The following TNIK variants were observed in gnomAD, a reference collection of about 807,000 sequenced individuals.
TNIK encodes TRAF2 and NCK-interacting protein kinase.
In TNIK, 49 loss-of-function variants were observed where a neutral mutation model predicts 191.3. The observed-to-expected ratio is 0.26, with a 90% CI of 0.20 to 0.32. The LOEUF (loss-of-function observed/expected upper bound fraction) is 0.32, where lower values mean the gene tolerates loss of function less well. TNIK is among the 10% of genes least tolerant of loss of function. The pLI, the probability that TNIK is intolerant of heterozygous loss-of-function variation, is 1.00. For synonymous variants in TNIK, 594 were observed against 600.9 expected (o/e 0.99, Z 0.17); for missense variants, 1,155 against 1,702.3 (o/e 0.68, Z 5.66).
At chr3:171,365,855 C>A (rs1268291448) in intron 2 of TNIK, among the ~76,000 whole-genome samples, 1 of 152,190 alleles carries the variant, frequency 6.6e-6, no homozygotes, top group African/African-American at 2.4e-5. Context: ...ATGAGAAATA[C>A]TGAGGAATCC....
intron 2 of TNIK, among the ~76,000 whole-genome samples, chr3:171,242,054 C>A (rs150535356): frequency 1.3e-5 from 2 of 151,516 alleles, no homozygotes; most frequent in Admixed American, 6.6e-5. Context: ...TTAGGAGATA[C>A]ACCTAATGTA....
At chr3:171,349,127 A>G (rs1712733434) in intron 2 of TNIK, among the ~76,000 whole-genome samples, 1 of 152,120 alleles carries the variant, frequency 6.6e-6, no homozygotes, top group Non-Finnish European at 1.5e-5. Flanking sequence ...AACACCCAAA[A>G]AAGTTTCCAT....
intron 2 of TNIK, among the ~76,000 whole-genome samples, chr3:171,363,399 G>T (rs1317971200): frequency 6.6e-6 from 1 of 152,150 alleles, no homozygotes; most frequent in Non-Finnish European, 1.5e-5. Context: ...TTAAGAGTAG[G>T]AACCTCCTCA....
intron 12 of TNIK, among the ~76,000 whole-genome samples, chr3:171,146,202 G>A (rs950414633): frequency 1.4e-4 from 22 of 152,176 alleles, no homozygotes; most frequent in Admixed American, 1.1e-3. Flanking sequence ...CACTGACCCC[G>A]CTCCTGCCTG....
chr3:171,315,709 T>C (rs1754526891), intron 2 of TNIK, among the ~76,000 whole-genome samples: 1 of 151,988 alleles, frequency 6.6e-6, no homozygotes, highest in Non-Finnish European at 1.5e-5. Flanking sequence ...TTTCTTGACA[T>C]TCCCTGGCTT....
chr3:171,127,632 C>G (rs1728670662), intron 16 of TNIK, among the ~76,000 whole-genome samples: 1 of 151,984 alleles, frequency 6.6e-6, no homozygotes, highest in African/African-American at 2.4e-5. Context: ...GATATTTGTA[C>G]ATTAAAATAG....
At chr3:171,450,041 T>C (rs138526027) in intron 1 of TNIK, among the ~76,000 whole-genome samples, 3,737 of 151,704 alleles carry the variant, frequency 0.025, 158 homozygotes, top group African/African-American at 0.085. Flanking sequence ...GTCTCAAACA[T>C]AAAAAAAAAA....
chr3:171,321,650 G>T (rs867624326), intron 2 of TNIK, among the ~76,000 whole-genome samples: 2 of 152,160 alleles, frequency 1.3e-5, no homozygotes, highest in African/African-American at 4.8e-5. Context: ...GTAGGAGACA[G>T]ATGGACTACA....
chr3:171,451,521 C>T (rs1466214283), intron 1 of TNIK, among the ~76,000 whole-genome samples: 2 of 152,228 alleles, frequency 1.3e-5, no homozygotes, highest in Non-Finnish European at 2.9e-5. Context: ...GTTTAGGCCA[C>T]TAAGCTTGAG....
intron 9 of TNIK, 55 bp downstream of exon 9, chr3:171,175,197 G>GAGCT (rs1735818463): frequency 1.3e-6 from 2 of 1,531,310 alleles, no homozygotes; most frequent in Non-Finnish European, 1.8e-6. Context: ...ATCCAAAATA[G>GAGCT]AATCACAAGA....
rs188054568 is a variant in TNIK, at chr3:171,172,380, G to A, written c.773+2872C>T. Among the ~76,000 whole-genome samples, 367 of 152,224 alleles carry A rather than the reference G, an allele frequency of 2.4e-3. 2 individuals carry two copies. Among genetic ancestry groups the A allele is most frequent in the Middle Eastern group, 6.8e-3 (2 of 294 alleles). Reference sequence around the variant, plus strand: ...AGAATGTTTTGGAATTTTGTCTCTTGGTCGGGGGAGGGAGTCTTTTCCTCT... The same window carrying A: ...AGAATGTTTTGGAATTTTGTCTCTTAGTCGGGGGAGGGAGTCTTTTCCTCT... On this transcript the variant is annotated intron_variant, in intron 9 of 32. Coordinates refer to ENST00000436636, the MANE Select transcript of TNIK (RefSeq NM_015028.4).
intron 22 of TNIK, among the ~76,000 whole-genome samples, chr3:171,095,424 C>G (rs528669736): frequency 1.3e-5 from 2 of 152,192 alleles, no homozygotes; most frequent in African/African-American, 4.8e-5. Flanking sequence ...ACTTGTTGTT[C>G]TCCTATTTTA....
Position 171,167,132 on chromosome 3 carries a change from G to A in TNIK, c.912C>T (p.Asp304=), listed in dbSNP as rs933112241. 3.4e-5 allele frequency: 55 copies of A among 1,613,630 alleles called. No individual in the cohort carries two copies. The highest frequency in any genetic ancestry group is 4.6e-5 in the Non-Finnish European group (54 of 1,179,756). The change falls in exon 10 of 33, where the codon GAC becomes GAT. Residue 304 remains aspartate, a synonymous_variant. Transcript: ENST00000436636. ...NERQVRIQLK[D]HIDRTKKKRG... is the part of the protein sequence containing the mutation. ...GCTTCTTCTTTGTTCTATCAATATG[G>A]TCCTTGAGTTGAATGCGGACCTGTC...
At chr3:171,423,422 G>A (rs1210760575) in intron 1 of TNIK, among the ~76,000 whole-genome samples, 1 of 152,086 alleles carries the variant, frequency 6.6e-6, no homozygotes, top group Non-Finnish European at 1.5e-5. Flanking sequence ...GTAATTTATA[G>A]ATTCAATGCC....
At chr3:171,203,453 T>C (rs923372974) in intron 4 of TNIK, among the ~76,000 whole-genome samples, 1 of 152,208 alleles carries the variant, frequency 6.6e-6, no homozygotes, top group Non-Finnish European at 1.5e-5. Context: ...ATTTGATATG[T>C]GCCCTCTAAA....
At chr3:171,099,342 TC>T (rs1723139002) in intron 22 of TNIK, among the ~76,000 whole-genome samples, 1 of 150,904 alleles carries the variant, frequency 6.6e-6, no homozygotes. Flanking sequence ...CTTCAACTCT[TC>T]CCCCTGCTTG....
chr3:171,227,013 T>C (rs1486517378), intron 3 of TNIK, among the ~76,000 whole-genome samples: 1 of 152,160 alleles, frequency 6.6e-6, no homozygotes, highest in East Asian at 1.9e-4. Flanking sequence ...TCTATTTATA[T>C]TGAATAATCA....
At chr3:171,323,187 G>A (rs1232343966) in intron 2 of TNIK, among the ~76,000 whole-genome samples, 1 of 152,118 alleles carries the variant, frequency 6.6e-6, no homozygotes, top group Non-Finnish European at 1.5e-5. Flanking sequence ...TATCAAAAAT[G>A]TTTGCCAATA....
At chr3:171,396,459 G>T (rs1720267364) in intron 1 of TNIK, among the ~76,000 whole-genome samples, 1 of 152,066 alleles carries the variant, frequency 6.6e-6, no homozygotes, top group Non-Finnish European at 1.5e-5. Context: ...ATTTCAGTTG[G>T]GTACACAATA....
Sources: gnomAD v4.1 joint callset for allele counts (sites outside exome capture counted in the v4.1 genomes callset) on GRCh38, gnomAD v4.1.1 for gene constraint, MANE v1.5 for transcripts, NCBI Gene and HGNC (gene_info 2026-07-23, HGNC 2026-07-21) for gene names.